LRRK1: variants seen among roughly 807,000 people sequenced by gnomAD.
LRRK1 encodes leucine-rich repeat serine/threonine-protein kinase 1.
Under a neutral mutation model 209.1 loss-of-function variants are expected in LRRK1, and 113 were observed. That is an observed-to-expected ratio of 0.54 (90% CI 0.46 to 0.63). The LOEUF (loss-of-function observed/expected upper bound fraction) is 0.63. Among genes scored for constraint, LRRK1 ranks in the 30% least tolerant of loss-of-function variants. The pLI, the probability that LRRK1 is intolerant of heterozygous loss-of-function variation, is 0.00. For synonymous variants in LRRK1, 1,144 were observed against 1,099.7 expected (o/e 1.04, Z -0.80); for missense variants, 2,284 against 2,632.2 (o/e 0.87, Z 2.89).
At chr15:101,048,362 G>T (rs930156697) in intron 21 of LRRK1, 132 bp from the exon 22 acceptor site, 9 of 694,014 alleles carry the variant, frequency 1.3e-5, no homozygotes, top group Non-Finnish European at 2.1e-5. Context: ...GGGATGAGCA[G>T]CGTGGGAGGA....
In LRRK1 at chr15:100,983,656, T is replaced by C. The variant is rs758151687; in HGVS notation, c.390T>C (p.Phe130=). 1.9e-6 allele frequency: 3 copies of C among 1,609,300 alleles called. No individual in the cohort carries two copies. The highest frequency in any genetic ancestry group is 2.2e-5 in the East Asian group (1 of 44,778). ...ACCCAGCCGTGGTGGCAGCGTATTT[T>C]GGACACACGGCAGTTGTGCAGGAAT... ...DDNPAVVAAY[F]GHTAVVQELL... The change falls in exon 4 of 34, where the codon TTT becomes TTC. Residue 130 remains phenylalanine (F), a synonymous_variant. Transcript: ENST00000388948.
intron 2 of LRRK1, among the ~76,000 whole-genome samples, chr15:100,972,100 T>C (rs2030921576): frequency 6.6e-6 from 1 of 151,946 alleles, no homozygotes; most frequent in Admixed American, 6.6e-5. Flanking sequence ...GTAGCTGGGA[T>C]TACAGGCGCG....
At chr15:101,058,679 G>C (rs1013669867) in intron 29 of LRRK1, among the ~76,000 whole-genome samples, 3 of 149,524 alleles carry the variant, frequency 2.0e-5, no homozygotes, top group Non-Finnish European at 4.4e-5. Flanking sequence ...AGAGGCATTG[G>C]GGTGTTTTCA....
At chr15:100,990,118 A>G (rs2032081179) in intron 6 of LRRK1, among the ~76,000 whole-genome samples, 1 of 152,168 alleles carries the variant, frequency 6.6e-6, no homozygotes, top group Non-Finnish European at 1.5e-5. Context: ...AAAACTATAC[A>G]GGGTTTAGTT....
intron 2 of LRRK1, among the ~76,000 whole-genome samples, chr15:100,970,862 A>C (rs1204786229): frequency 6.6e-6 from 1 of 152,124 alleles, no homozygotes; most frequent in Non-Finnish European, 1.5e-5. Context: ...TCTCTCAGCA[A>C]TGTTTTATGT....
At chr15:100,927,528 TG>T (rs1447441125) in intron 2 of LRRK1, among the ~76,000 whole-genome samples, 1 of 152,154 alleles carries the variant, frequency 6.6e-6, no homozygotes, top group Non-Finnish European at 1.5e-5. Context: ...CACTGTGTAC[TG>T]TTCAAGGAGC....
At chr15:100,931,196 A>G (rs532592703) in intron 2 of LRRK1, among the ~76,000 whole-genome samples, 2 of 152,362 alleles carry the variant, frequency 1.3e-5, no homozygotes, top group South Asian at 2.1e-4. Context: ...TCAACTGTAA[A>G]GAACTTTTGA....
intron 6 of LRRK1, among the ~76,000 whole-genome samples, chr15:101,006,757 G>A (rs2032977320): frequency 6.6e-6 from 1 of 152,166 alleles, no homozygotes; most frequent in Admixed American, 6.5e-5. Flanking sequence ...GGAGAAAGAG[G>A]GGCAAAAGCC....
intron 2 of LRRK1, among the ~76,000 whole-genome samples, chr15:100,932,711 C>T (rs1204714360): frequency 6.6e-6 from 1 of 152,170 alleles, no homozygotes; most frequent in African/African-American, 2.4e-5. Flanking sequence ...GGTTTTAGTT[C>T]TTCAGGTAAT....
At position 101,048,967 on chromosome 15, in the gene LRRK1, C is replaced by T. The variant is rs2035236890; in HGVS notation, c.3299+310C>T. ...GCCTCAGGCACTTCCCATGGTTATT[C>T]AGGTCACCATGGTGACCTTGCAGCC... On this transcript the variant is annotated intron_variant, in intron 22 of 33. Transcript: ENST00000388948. Among the ~76,000 whole-genome samples the T allele has an allele frequency of 2.0e-5, 3 of 152,286 alleles. No individual in the cohort carries two copies. In the South Asian group the frequency reaches 6.2e-4, roughly 32 times the overall value.
intron 2 of LRRK1, among the ~76,000 whole-genome samples, chr15:100,943,628 A>C (rs1267207437): frequency 6.6e-6 from 1 of 150,622 alleles, no homozygotes; most frequent in Non-Finnish European, 1.5e-5. Flanking sequence ...TTTTTTTTTA[A>C]GCTAAAAATA....
rs951105645 is a variant in LRRK1 at position 101,068,917 on chromosome 15, C to T, written c.*69C>T. 14 of 1,435,246 alleles carry T rather than the reference C, an allele frequency of 9.8e-6. No individual in the cohort carries two copies. In the African/African-American group the frequency reaches 1.0e-4, roughly 10 times the overall value. 88.9% of individuals were successfully genotyped at this position (1,435,246 alleles called of 1,614,324 possible). A position where few individuals can be genotyped will look rare whatever the true frequency, so the allele number is the denominator to read the frequency against. ...GGCTGCAGCCTGACCCCTCTGCCAT[C>T]GGCCTCTAGTTCTCCAAGGACCTAG... On this transcript the variant is annotated 3_prime_UTR_variant, in exon 34 of 34. Coordinates refer to ENST00000388948, the MANE Select transcript of LRRK1 (RefSeq NM_024652.6).
rs1271543580 is a variant in LRRK1 at position 101,070,028 on chromosome 15, A to G, written c.*1180A>G. On this transcript the variant is annotated 3_prime_UTR_variant, in exon 34 of 34. Coordinates refer to ENST00000388948, the MANE Select transcript of LRRK1 (RefSeq NM_024652.6). ...GTTTGTTGACCCTTTTCTAAAATTA[A>G]AAAGATCAAATTTAGTATTTGCTGG... is the stretch of plus-strand genomic sequence containing the variant. The G allele has an allele frequency of 1.3e-5, 2 of 152,272 alleles. No individual in the cohort carries two copies. The highest frequency in any genetic ancestry group is 2.4e-5 in the African/African-American group (1 of 41,468). 9.4% of individuals were successfully genotyped at this position (152,272 alleles called of 1,614,324 possible).
At chr15:100,941,109 T>G (rs1596171837) in intron 2 of LRRK1, among the ~76,000 whole-genome samples, 1 of 152,062 alleles carries the variant, frequency 6.6e-6, no homozygotes, top group Admixed American at 6.6e-5. Context: ...AAATATTTTC[T>G]GTGTGTGTGT....
chr15:101,065,496 CG>C lies in LRRK1; in HGVS notation c.5061del (p.Gln1688ArgfsTer6). The part of the protein sequence containing the change: ...SKFSIADEDA[R>X]QNPYPVKAME... ...GTTCAGCATCGCGGATGAAGACGCA[CG>C]GCAGAACCCCTACCCAGTGAAGGCC... On this transcript the variant is annotated frameshift_variant, in exon 32 of 34. Coordinates refer to ENST00000388948, the MANE Select transcript of LRRK1 (RefSeq NM_024652.6). LOFTEE classifies it high-confidence loss of function. 1 of 1,614,212 alleles carries C rather than the reference CG, an allele frequency of 6.2e-7. No homozygotes were observed. The highest frequency in any genetic ancestry group is 8.5e-7 in the Non-Finnish European group (1 of 1,180,042).
Position 101,060,995 on chromosome 15 carries a change from G to A in LRRK1, c.4680-176G>A, listed in dbSNP as rs970032589. 3.9e-5 allele frequency among the ~76,000 whole-genome samples: 6 copies of A among 152,344 alleles called. No individual in the cohort carries two copies. The East Asian group carries it at 1.2e-3, about 29-fold the overall frequency. On this transcript the variant is annotated intron_variant, in intron 29 of 33. Coordinates refer to ENST00000388948, the MANE Select transcript of LRRK1 (RefSeq NM_024652.6). ...TCTGGCGAATGCCCTTCCTGCGGGC[G>A]ACGGTCAAGCATTACCCTTCGGGCA...
intron 6 of LRRK1, among the ~76,000 whole-genome samples, chr15:101,007,968 C>T (rs2085279): frequency 1.3e-5 from 2 of 151,198 alleles, no homozygotes; most frequent in East Asian, 3.9e-4. Context: ...CTGAGCTCGA[C>T]GAACATGGTG....
chr15:101,068,523 C>A, intron 33 of LRRK1, 148 bp from the exon 34 acceptor site: 1 of 744,972 alleles, frequency 1.3e-6, no homozygotes, highest in Non-Finnish European at 2.1e-6. Context: ...AGTGGTGCAT[C>A]TCAGCACACC....
chr15:101,066,037 C>G lies in LRRK1; in HGVS notation c.5600C>G (p.Ser1867Cys). ...SSLPSSPASSSSVPFSTDCED... is the reference protein window; with the variant it reads ...SSLPSSPASSCSVPFSTDCED... Reference sequence around the variant, plus strand: ...CTCCCCAGCTCCCCAGCAAGTTCTTCCAGTGTGCCTTTCTCCACCGACTGC... The same window carrying G: ...CTCCCCAGCTCCCCAGCAAGTTCTTGCAGTGTGCCTTTCTCCACCGACTGC... Residue 1867 changes from serine to cysteine, a missense_variant, in exon 32 of 34, where the codon TCC (serine) becomes TGC (cysteine). By Grantham distance (112) the Ser-to-Cys change is moderately radical (BLOSUM62 -1). This residue lies in a region of LRRK1 where 643 missense variants were observed against 695.9 expected (regional missense o/e 0.92). Transcript: ENST00000388948. 2 of 1,614,132 alleles carry G rather than the reference C, an allele frequency of 1.2e-6. No homozygotes were observed.
Sources: gnomAD v4.1 joint callset for allele counts (sites outside exome capture counted in the v4.1 genomes callset) on GRCh38, gnomAD v4.1.1 for gene constraint, gnomAD v4.1.1 regional missense constraint, MANE v1.5 for transcripts, NCBI Gene and HGNC (gene_info 2026-07-23, HGNC 2026-07-21) for gene names.